Variants in DLG2 observed in about 807,000 individuals in gnomAD.
DLG2 encodes the protein discs large MAGUK scaffold protein 2.
Under a neutral mutation model 132.5 loss-of-function variants are expected in DLG2, and 45 were observed. That is an observed-to-expected ratio of 0.34 (90% CI 0.27 to 0.44). The LOEUF is 0.44. Among genes scored for constraint, DLG2 ranks in the 20% least tolerant of loss-of-function variants. The pLI is 1.00. For missense variants in DLG2, 1,045 were observed against 1,196.9 expected (o/e 0.87, Z 1.87); for synonymous variants, 424 against 419.6 (o/e 1.01, Z -0.13).
intron 11 of DLG2, among the ~76,000 whole-genome samples, chr11:83,989,630 T>G (rs939510503): frequency 6.6e-6 from 1 of 152,194 alleles, no homozygotes; most frequent in African/African-American, 2.4e-5. Context: ...AAAACCAACA[T>G]GTCTTCAGAT....
chr11:84,173,979 T>C (rs2154271667), intron 8 of DLG2, among the ~76,000 whole-genome samples: 1 of 147,348 alleles, frequency 6.8e-6, no homozygotes, highest in African/African-American at 2.5e-5. Context: ...TTGTTGCTTT[T>C]ATAATCTACC....
In DLG2 at chr11:84,534,666, T is replaced by C. The variant is rs557832004; in HGVS notation, c.423A>G (p.Val141=). 2.0e-4 allele frequency: 322 copies of C among 1,614,090 alleles called. 3 individuals are homozygous for C. The South Asian group carries it at 3.0e-3, about 15-fold the overall frequency. The part of the protein sequence containing the change: ...DHSLPRLTHE[V]RGPELVHVSE... The stretch of plus-strand genomic sequence containing the variant: ...ATACATGCACGAGTTCTGGGCCTCT[T>C]ACTTCGTGGGTTAGTCGAGGTAAGG... Residue 141 remains valine (V), a synonymous_variant, in exon 7 of 28, where the codon GTA becomes GTG. Transcript: ENST00000376104.
intron 11 of DLG2, among the ~76,000 whole-genome samples, chr11:84,040,158 C>A (rs1275428798): frequency 2.0e-5 from 3 of 150,144 alleles, no homozygotes; most frequent in Admixed American, 2.0e-4. Context: ...AATTTTCTCC[C>A]ATTTTGTAGG....
At chr11:84,707,455 G>T (rs936332049) in intron 6 of DLG2, among the ~76,000 whole-genome samples, 3 of 151,788 alleles carry the variant, frequency 2.0e-5, no homozygotes, top group Non-Finnish European at 4.4e-5. Flanking sequence ...GATTTAACTG[G>T]AAGTATCAAG....
intron 6 of DLG2, among the ~76,000 whole-genome samples, chr11:85,096,517 C>G (rs1305014187): frequency 2.0e-5 from 3 of 149,868 alleles, no homozygotes; most frequent in African/African-American, 7.4e-5. Context: ...CTCCAGGCAC[C>G]TCTGAAGGAA....
chr11:85,252,535 A>T (rs2076449617), intron 4 of DLG2, among the ~76,000 whole-genome samples: 1 of 152,072 alleles, frequency 6.6e-6, no homozygotes, highest in South Asian at 2.1e-4. Flanking sequence ...GCAGTGAGCC[A>T]AGATCACGCC....
chr11:84,729,429 T>C (rs950238055), intron 6 of DLG2, among the ~76,000 whole-genome samples: 3 of 152,304 alleles, frequency 2.0e-5, no homozygotes, highest in South Asian at 4.1e-4. Flanking sequence ...TTGATTGCAC[T>C]GTGGTCCGAG....
chr11:83,563,082 C>A (rs569833984), intron 19 of DLG2, among the ~76,000 whole-genome samples: 2 of 147,816 alleles, frequency 1.4e-5, no homozygotes, highest in African/African-American at 5.0e-5. Flanking sequence ...TCATGCCATT[C>A]TCCTGCCTCA....
At chr11:84,222,366 TGAC>T (rs1454457356) in intron 8 of DLG2, among the ~76,000 whole-genome samples, 2 of 152,162 alleles carry the variant, frequency 1.3e-5, no homozygotes, top group Non-Finnish European at 2.9e-5. Context: ...TACTTTCTGA[TGAC>T]ATTTAATTGA....
intron 6 of DLG2, among the ~76,000 whole-genome samples, chr11:85,075,555 C>A (rs1228281720): frequency 6.6e-6 from 1 of 151,702 alleles, no homozygotes; most frequent in Admixed American, 6.6e-5. Context: ...TCAAAAAACC[C>A]CAAATTACAG....
At chr11:84,767,498 G>T (rs889849878) in intron 6 of DLG2, among the ~76,000 whole-genome samples, 10 of 151,986 alleles carry the variant, frequency 6.6e-5, no homozygotes, top group African/African-American at 2.2e-4. Context: ...TACATTAACT[G>T]CTTCAAAATG....
At chr11:85,493,563 G>A (rs1328186773) in intron 3 of DLG2, among the ~76,000 whole-genome samples, 2 of 152,098 alleles carry the variant, frequency 1.3e-5, no homozygotes, top group African/African-American at 4.8e-5. Context: ...CTACTTGGGA[G>A]TTGTTATTTT....
At chr11:85,232,883 G>A (rs976940833) in intron 4 of DLG2, among the ~76,000 whole-genome samples, 14 of 151,956 alleles carry the variant, frequency 9.2e-5, no homozygotes, top group African/African-American at 3.4e-4. Context: ...TTTGCAGACA[G>A]CAATATTTCC....
chr11:83,843,008 T>C (rs75641130), intron 16 of DLG2, among the ~76,000 whole-genome samples: 3,615 of 152,148 alleles, frequency 0.024, 149 homozygotes, highest in African/African-American at 0.076. Flanking sequence ...TCATTGATCT[T>C]TCTAAAGAAC....
chr11:85,610,893 T>C (rs1295999697), intron 2 of DLG2, among the ~76,000 whole-genome samples: 2 of 152,206 alleles, frequency 1.3e-5, no homozygotes, highest in South Asian at 2.1e-4. Flanking sequence ...TTGCCGACTA[T>C]GGATCCCCGG....
intron 2 of DLG2, among the ~76,000 whole-genome samples, chr11:85,610,488 C>G (rs79849115): frequency 0.063 from 9,637 of 152,210 alleles, 990 homozygotes; most frequent in African/African-American, 0.22. Context: ...CTGTGAGGAC[C>G]CCACAGACCA....
At chr11:84,095,964 A>C (rs902288943) in intron 10 of DLG2, among the ~76,000 whole-genome samples, 2 of 152,176 alleles carry the variant, frequency 1.3e-5, no homozygotes, top group African/African-American at 4.8e-5. Context: ...AGGCCAAAAA[A>C]AGGGAAATTG....
At chr11:83,699,473 G>C (rs1310866412) in intron 18 of DLG2, among the ~76,000 whole-genome samples, 2 of 151,006 alleles carry the variant, frequency 1.3e-5, no homozygotes, top group Non-Finnish European at 2.9e-5. Flanking sequence ...GAGGCAGGCG[G>C]ATCACGAGGT....
intron 3 of DLG2, among the ~76,000 whole-genome samples, chr11:85,491,916 A>ATTTT (rs2093568777): frequency 1.3e-5 from 2 of 149,340 alleles, no homozygotes; most frequent in Admixed American, 1.3e-4. Context: ...TGAAACTACA[A>ATTTT]AAGGCCCTGA....
Sources: allele counts gnomAD v4.1 joint callset (sites outside exome capture counted in the v4.1 genomes callset), GRCh38; gene constraint gnomAD v4.1.1; transcripts MANE v1.5; gene names NCBI Gene and HGNC (gene_info 2026-07-23, HGNC 2026-07-21).